The following BMPR2 variants were observed in gnomAD, a reference collection of about 807,000 sequenced individuals.
BMPR2 encodes the protein bone morphogenetic protein receptor type 2, also known as bone morphogenetic protein receptor type-2.
Under a neutral mutation model 100.8 loss-of-function variants are expected in BMPR2, and 29 were observed. The observed-to-expected ratio is 0.29, with a 90% CI of 0.21 to 0.39. The LOEUF (loss-of-function observed/expected upper bound fraction) is 0.39, where lower values mean the gene tolerates loss of function less well. Among genes scored for constraint, BMPR2 ranks in the 10% least tolerant of loss-of-function variants. The pLI is 1.00. For missense variants in BMPR2, 1,011 were observed against 1,274.5 expected, an observed-to-expected ratio of 0.79 and a Z score of 3.15; for synonymous variants, 382 against 442.3, an observed-to-expected ratio of 0.86 and a Z score of 1.71.
intron 6 of BMPR2, among the ~76,000 whole-genome samples, chr2:202,519,814 G>T (rs1175664571): frequency 1.3e-5 from 2 of 152,066 alleles, no homozygotes; most frequent in Non-Finnish European, 2.9e-5. Context: ...TTTGATCAAA[G>T]AATTGTTTAA....
chr2:202,388,420 A>AC (rs1690478442), intron 1 of BMPR2, among the ~76,000 whole-genome samples: 2 of 148,568 alleles, frequency 1.3e-5, no homozygotes, highest in Non-Finnish European at 3.0e-5. Flanking sequence ...AAAAAAAAAA[A>AC]CATTGTTTGT....
At chr2:202,401,816 T>C (rs1011027180) in intron 1 of BMPR2, among the ~76,000 whole-genome samples, 1 of 152,224 alleles carries the variant, frequency 6.6e-6, no homozygotes, top group African/African-American at 2.4e-5. Context: ...TTAACAAAGA[T>C]ATGATTTAAT....
In BMPR2 at chr2:202,538,654, C is replaced by T. The variant is rs557071500; in HGVS notation, c.1277-3657C>T. Reference sequence around the variant, plus strand: ...TAAAAGTACAAAAAAATTAGCCGGGCTTGGTTGTGGGCACCTGTAATCCCA... The same window carrying T: ...TAAAAGTACAAAAAAATTAGCCGGGTTTGGTTGTGGGCACCTGTAATCCCA... On this transcript the variant is annotated intron_variant, in intron 9 of 12. Coordinates refer to ENST00000374580, the MANE Select transcript of BMPR2 (RefSeq NM_001204.7). 1.2e-3 allele frequency among the ~76,000 whole-genome samples: 175 copies of T among 151,854 alleles called. 1 individual carries two copies. Among genetic ancestry groups the T allele is most frequent in the Admixed American group, 3.7e-3 (57 of 15,256 alleles).
intron 3 of BMPR2, among the ~76,000 whole-genome samples, chr2:202,490,129 T>C (rs1224206873): frequency 6.6e-6 from 1 of 152,202 alleles, no homozygotes; most frequent in Non-Finnish European, 1.5e-5. Context: ...TATTTTAGAT[T>C]TCTGCTCGCC....
At chr2:202,443,501 TTC>T (rs919963448) in intron 1 of BMPR2, among the ~76,000 whole-genome samples, 3 of 149,150 alleles carry the variant, frequency 2.0e-5, no homozygotes, top group Non-Finnish European at 4.4e-5. Context: ...CTGTCTCTCT[TTC>T]TCTCTCTCTC....
At chr2:202,457,463 G>T (rs938604816) in intron 1 of BMPR2, among the ~76,000 whole-genome samples, 2 of 146,930 alleles carry the variant, frequency 1.4e-5, no homozygotes, top group African/African-American at 2.5e-5. Context: ...TAGAATGAAA[G>T]AAGAAACAGA....
In BMPR2 at chr2:202,423,225, C is replaced by T. The variant is rs541321199; in HGVS notation, c.77-41584C>T. On this transcript the variant is annotated intron_variant, in intron 1 of 12. Coordinates refer to ENST00000374580, the MANE Select transcript of BMPR2 (RefSeq NM_001204.7). ...TACTAAAAAATAACATGGCTAGGCT[C>T]AAAAATGAAGCTTAACACCTCCTTG... 1.8e-4 allele frequency among the ~76,000 whole-genome samples: 28 copies of T among 152,202 alleles called. 1 individual carries two copies. Among genetic ancestry groups the T allele is most frequent in the African/African-American group, 6.7e-4 (28 of 41,536 alleles).
chr2:202,518,016 T>A (rs1687747696), intron 5 of BMPR2, among the ~76,000 whole-genome samples: 1 of 137,300 alleles, frequency 7.3e-6, no homozygotes, highest in African/African-American at 2.7e-5. Flanking sequence ...TTAGTAGAGA[T>A]GGGGTTTTAC....
At chr2:202,442,199 G>C (rs1008815814) in intron 1 of BMPR2, among the ~76,000 whole-genome samples, 1 of 150,382 alleles carries the variant, frequency 6.6e-6, no homozygotes, top group Non-Finnish European at 1.5e-5. Context: ...TTTATAGCTT[G>C]TATGCTTCTA....
Position 202,514,933 on chromosome 2 carries a change from C to T in BMPR2, c.575C>T (p.Ala192Val). The T allele has an allele frequency of 1.9e-6, 3 of 1,614,090 alleles. No individual in the cohort carries two copies. The highest frequency in any genetic ancestry group is 2.5e-6 in the Non-Finnish European group (3 of 1,180,006). The change falls in exon 5 of 13, where the codon GCA (alanine) becomes GTA (valine). Residue 192 changes from alanine to valine, a missense_variant. This residue lies in a region of BMPR2 where 355 missense variants were observed against 455.3 expected (regional missense o/e 0.78). Transcript: ENST00000374580. ...CACAGTATGAACATGATGGAGGCAG[C>T]AGCATCCGAACCCTCTCTTGATCTA... ...GLHSMNMMEAAASEPSLDLDN... is the reference protein window; with the variant it reads ...GLHSMNMMEAVASEPSLDLDN...
At chr2:202,403,550 A>T (rs560740059) in intron 1 of BMPR2, among the ~76,000 whole-genome samples, 13 of 152,204 alleles carry the variant, frequency 8.5e-5, no homozygotes, top group Non-Finnish European at 1.8e-4. Context: ...AAATTTAAGT[A>T]AAAGTGATAC....
At chr2:202,388,721 G>A (rs981969082) in intron 1 of BMPR2, among the ~76,000 whole-genome samples, 1 of 151,364 alleles carries the variant, frequency 6.6e-6, no homozygotes, top group Non-Finnish European at 1.5e-5. Context: ...CTGAGAGGTG[G>A]AGGTTGCAGT....
At chr2:202,382,729 A>G (rs775714900) in intron 1 of BMPR2, among the ~76,000 whole-genome samples, 1 of 152,254 alleles carries the variant, frequency 6.6e-6, no homozygotes, top group East Asian at 1.9e-4. Flanking sequence ...TTTAAGAGGT[A>G]TAGTGGGAAG....
intron 3 of BMPR2, among the ~76,000 whole-genome samples, chr2:202,502,314 AAC>A (rs1687410652): frequency 6.6e-6 from 1 of 151,958 alleles, no homozygotes; most frequent in Admixed American, 6.6e-5. Context: ...GAGAGGGGAG[AAC>A]AGCAGCATAA....
At chr2:202,394,387 T>C (rs1690619040) in intron 1 of BMPR2, among the ~76,000 whole-genome samples, 1 of 149,526 alleles carries the variant, frequency 6.7e-6, no homozygotes, top group Non-Finnish European at 1.5e-5. Flanking sequence ...TAATAATATT[T>C]CCCCCAAAAT....
Position 202,537,372 on chromosome 2 carries a change from G to A in BMPR2, c.1276+4640G>A, listed in dbSNP as rs376474462. Among the ~76,000 whole-genome samples, 23 of 152,198 alleles carry A rather than the reference G, an allele frequency of 1.5e-4. 1 individual carries two copies. In the East Asian group the frequency reaches 2.1e-3, roughly 14 times the overall value. On this transcript the variant is annotated intron_variant, in intron 9 of 12. Coordinates refer to ENST00000374580, the MANE Select transcript of BMPR2 (RefSeq NM_001204.7). ...CTACTGTGTTCAAAGAATGACTATCGCTTTTGATCTGATAAATAATAAAGA... is the reference window on the plus strand; with the variant it reads ...CTACTGTGTTCAAAGAATGACTATCACTTTTGATCTGATAAATAATAAAGA...
intron 1 of BMPR2, among the ~76,000 whole-genome samples, chr2:202,401,688 G>T (rs1186203114): frequency 6.6e-6 from 1 of 152,144 alleles, no homozygotes; most frequent in Non-Finnish European, 1.5e-5. Flanking sequence ...AGCAAAAGGT[G>T]AGCCAAAATA....
intron 11 of BMPR2, among the ~76,000 whole-genome samples, chr2:202,554,591 A>G (rs907177084): frequency 1.3e-5 from 2 of 152,154 alleles, no homozygotes; most frequent in Non-Finnish European, 1.5e-5. Flanking sequence ...AGGAATGACA[A>G]TGACAGCAAA....
At chr2:202,409,583 A>G (rs1489631280) in intron 1 of BMPR2, among the ~76,000 whole-genome samples, 1 of 152,132 alleles carries the variant, frequency 6.6e-6, no homozygotes, top group East Asian at 1.9e-4. Context: ...AACAAAAATG[A>G]CAGACATATG....
Sources: allele counts gnomAD v4.1 joint callset (sites outside exome capture counted in the v4.1 genomes callset), GRCh38; gene constraint gnomAD v4.1.1; regional missense constraint gnomAD v4.1.1; transcripts MANE v1.5; gene names NCBI Gene and HGNC (gene_info 2026-07-23, HGNC 2026-07-21).